NDST1: variants seen among roughly 807,000 people sequenced by gnomAD.
The protein encoded by NDST1 is N-deacetylase and N-sulfotransferase 1, also known as bifunctional heparan sulfate N-deacetylase/N-sulfotransferase 1.
In NDST1, 35 loss-of-function variants were observed where a neutral mutation model predicts 92.8. That is an observed-to-expected ratio of 0.38 (90% CI 0.29 to 0.50). The LOEUF (loss-of-function observed/expected upper bound fraction) is 0.50, where lower values mean the gene tolerates loss of function less well. Among genes scored for constraint, NDST1 ranks in the 20% least tolerant of loss-of-function variants. The pLI is 0.94. For synonymous variants in NDST1, 493 were observed against 500.3 expected, an observed-to-expected ratio of 0.99 and a Z score of 0.19; for missense variants, 822 against 1,182.7, an observed-to-expected ratio of 0.69 and a Z score of 4.47.
At chr5:150,517,340 A>G (rs562562357) in intron 1 of NDST1, among the ~76,000 whole-genome samples, 1 of 145,784 alleles carries the variant, frequency 6.9e-6, no homozygotes, top group South Asian at 2.2e-4. Context: ...GGGTCTTGCT[A>G]TATTGCCCAG....
chr5:150,502,921 G>A (rs753658410), intron 1 of NDST1, among the ~76,000 whole-genome samples: 8 of 152,112 alleles, frequency 5.3e-5, no homozygotes, highest in Non-Finnish European at 1.2e-4. Context: ...TGGCCCCAGG[G>A]TTCTGAGGGT....
chr5:150,512,583 T>A (rs902612387), intron 1 of NDST1, among the ~76,000 whole-genome samples: 40 of 152,258 alleles, frequency 2.6e-4, no homozygotes, highest in Non-Finnish European at 3.8e-4. Context: ...ATTCTCTTGC[T>A]CCTTCCCTCT....
At chr5:150,502,350 G>C in intron 1 of NDST1, among the ~76,000 whole-genome samples, 1 of 152,132 alleles carries the variant, frequency 6.6e-6, no homozygotes, top group Non-Finnish European at 1.5e-5. Flanking sequence ...GATTAGATGT[G>C]GGGTGTGAGA....
intron 12 of NDST1, 25 bp from the exon 13 acceptor site, chr5:150,549,653 C>A (rs1320890048): frequency 3.4e-6 from 5 of 1,492,474 alleles, no homozygotes; most frequent in East Asian, 2.3e-5. Flanking sequence ...CAAAGCAGGT[C>A]CCGATCCCCT....
chr5:150,512,099 G>A (rs560166267), intron 1 of NDST1, among the ~76,000 whole-genome samples: 8 of 152,238 alleles, frequency 5.3e-5, no homozygotes, highest in Admixed American at 5.2e-4. Flanking sequence ...CCCAAGTCCA[G>A]GTACCCACCC....
At chr5:150,534,103 T>C (rs1754872996) in intron 4 of NDST1, among the ~76,000 whole-genome samples, 1 of 148,442 alleles carries the variant, frequency 6.7e-6, no homozygotes, top group Non-Finnish European at 1.5e-5. Flanking sequence ...GAAAAAAAAT[T>C]ATTTATTTTT....
intron 3 of NDST1, among the ~76,000 whole-genome samples, chr5:150,530,286 A>G (rs993249781): frequency 2.6e-5 from 4 of 152,200 alleles, no homozygotes; most frequent in Non-Finnish European, 5.9e-5. Flanking sequence ...CTCCTGTTTA[A>G]AGAACGTTTT....
upstream of NDST1, among the ~76,000 whole-genome samples, chr5:150,506,827 T>C (rs78182029): frequency 2.0e-5 from 3 of 152,188 alleles, no homozygotes; most frequent in East Asian, 3.9e-4. Context: ...GCTGCTTTCA[T>C]GTGGGCCCTC....
At position 150,557,900 on chromosome 5, in the gene NDST1, G is replaced by A. The variant is rs1008364916; in HGVS notation, c.*4568G>A. 9.9e-5 allele frequency: 15 copies of A among 152,280 alleles called. No homozygotes were observed. The highest frequency in any genetic ancestry group is 3.6e-4 in the African/African-American group (15 of 41,408). 9.4% of individuals were successfully genotyped at this position (152,280 alleles called of 1,614,324 possible). On this transcript the variant is annotated 3_prime_UTR_variant, in exon 15 of 15. Coordinates refer to ENST00000261797, the MANE Select transcript of NDST1 (RefSeq NM_001543.5). This position sits in a 1 kb window ranked among gnomAD's most constrained non-coding sequence, Gnocchi z 4.7. Reference sequence around the variant, plus strand: ...CCGGCCCTGGAGGAGAATGAGGGAGGAGAGGGTTTTCTATGACTGTGTTAG... The same window carrying A: ...CCGGCCCTGGAGGAGAATGAGGGAGAAGAGGGTTTTCTATGACTGTGTTAG...
chr5:150,550,240 C>T (rs1193632062), intron 13 of NDST1, among the ~76,000 whole-genome samples: 4 of 151,858 alleles, frequency 2.6e-5, no homozygotes, highest in East Asian at 1.9e-4. Context: ...AGCTTGGGAC[C>T]GCAGACATGT....
chr5:150,500,677 C>T (rs1352261298), intron 1 of NDST1, among the ~76,000 whole-genome samples: 3 of 152,256 alleles, frequency 2.0e-5, no homozygotes, highest in Non-Finnish European at 4.4e-5. Context: ...TATCAGGCCC[C>T]ACAGGGAAAG....
intron 2 of NDST1, 61 bp from the exon 3 acceptor site, chr5:150,527,743 T>C (rs1754538480): frequency 6.2e-7 from 1 of 1,604,916 alleles, no homozygotes; most frequent in Non-Finnish European, 8.5e-7. Context: ...TGAGAGACTG[T>C]GTCCTTTGGG....
chr5:150,548,748 G>A (rs765781699), intron 12 of NDST1, among the ~76,000 whole-genome samples: 7 of 152,038 alleles, frequency 4.6e-5, no homozygotes, highest in Non-Finnish European at 8.8e-5. Flanking sequence ...TGCCCAGGCT[G>A]GTCTCAAACT....
intron 4 of NDST1, 59 bp from the exon 5 acceptor site, chr5:150,534,808 C>T (rs1486069595): frequency 1.2e-6 from 2 of 1,610,192 alleles, no homozygotes; most frequent in East Asian, 2.2e-5. Context: ...CAGGCACAGG[C>T]CCAGGTTAGA....
At chr5:150,538,961 C>G (rs911802125) in intron 6 of NDST1, among the ~76,000 whole-genome samples, 1 of 152,238 alleles carries the variant, frequency 6.6e-6, no homozygotes, top group Non-Finnish European at 1.5e-5. Flanking sequence ...GCAGCAGTCC[C>G]AAGTTTCCAG....
chr5:150,534,781 C>A, intron 4 of NDST1, 86 bp from the exon 5 acceptor site: 2 of 1,560,242 alleles, frequency 1.3e-6, no homozygotes, highest in South Asian at 2.2e-5. Context: ...TGGGCTCTGG[C>A]CATGCTCTCC....
At chr5:150,535,453 G>C (rs1754940774) in intron 5 of NDST1, 1 of 936,848 alleles carries the variant, frequency 1.1e-6, no homozygotes, top group South Asian at 4.9e-5. Flanking sequence ...TGTGCTAGAG[G>C]CATGTGCACC....
intron 4 of NDST1, among the ~76,000 whole-genome samples, chr5:150,533,759 C>G (rs987352587): frequency 6.6e-6 from 1 of 152,106 alleles, no homozygotes; most frequent in Non-Finnish European, 1.5e-5. Flanking sequence ...GGTTGTCTGT[C>G]TGTATTTTTT....
intron 11 of NDST1, among the ~76,000 whole-genome samples, chr5:150,547,223 AG>A (rs1291651793): frequency 6.6e-6 from 1 of 152,214 alleles, no homozygotes; most frequent in Non-Finnish European, 1.5e-5. Context: ...TCCATGATCA[AG>A]AGGGGTAAGG....
Sources: allele counts gnomAD v4.1 joint callset (sites outside exome capture counted in the v4.1 genomes callset), GRCh38; gene constraint gnomAD v4.1.1; non-coding constraint Gnocchi (gnomAD v3.1); transcripts MANE v1.5; gene names NCBI Gene and HGNC (gene_info 2026-07-23, HGNC 2026-07-21).